GLDN: variants seen among roughly 807,000 people sequenced by gnomAD.
The protein encoded by GLDN is collomin.
GLDN carries 47 observed loss-of-function variants against 56.5 expected under a neutral mutation model. The ratio of observed to expected loss-of-function variants is 0.83; its 90% CI spans 0.66 to 1.06. GLDN has a LOEUF of 1.06. GLDN is among the 50% of genes least tolerant of loss of function. The probability of loss-of-function intolerance (pLI) is 0.00; values close to 1 mark genes in which losing one functional copy is unlikely to be tolerated. For synonymous variants in GLDN, 332 were observed against 278.8 expected (o/e 1.19, Z -1.90); for missense variants, 782 against 714.3 (o/e 1.09, Z -1.08).
At position 51,404,691 on chromosome 15, in the gene GLDN, A is replaced by T; in HGVS notation, c.1593A>T (p.Ser531=). Residue 531 remains serine, a synonymous_variant, in exon 10 of 10, where the codon TCA becomes TCT. Coordinates refer to ENST00000335449, the MANE Select transcript of GLDN (RefSeq NM_181789.4). ...ACATGAGAGATCAGCATTTATATTC[A>T]TGGGAAGATGGCCATTTAATGCTTT... ...AYNMRDQHLY[S]WEDGHLMLYP... The T allele has an allele frequency of 6.2e-7, 1 of 1,612,488 alleles. No homozygotes were observed.
chr15:51,362,868 T>C (rs893391030), intron 1 of GLDN, among the ~76,000 whole-genome samples: 1 of 152,160 alleles, frequency 6.6e-6, no homozygotes, highest in Non-Finnish European at 1.5e-5. Flanking sequence ...ATATGTCTGA[T>C]AGTTGAGCTG....
chr15:51,342,241 G>A (rs929323488), intron 1 of GLDN, among the ~76,000 whole-genome samples, 194 bp downstream of exon 1: 6 of 152,256 alleles, frequency 3.9e-5, no homozygotes, highest in Non-Finnish European at 7.3e-5. Flanking sequence ...CATCTGTGAG[G>A]TTGGGGACAG....
intron 1 of GLDN, 70 bp downstream of exon 1, chr15:51,342,117 C>A: frequency 6.4e-7 from 1 of 1,561,248 alleles, no homozygotes; most frequent in Non-Finnish European, 8.6e-7. Flanking sequence ...GCGAGGACGC[C>A]GACGCCCTCT....
chr15:51,342,166 T>A, intron 1 of GLDN, 119 bp downstream of exon 1: 4 of 1,291,372 alleles, frequency 3.1e-6, no homozygotes, highest in Non-Finnish European at 4.3e-6. Context: ...CGGAGAGGGC[T>A]GTGGGCATGA....
chr15:51,359,738 A>T lies in GLDN; in HGVS notation c.363+17691A>T, dbSNP rs200887300. On this transcript the variant is annotated intron_variant, in intron 1 of 9. Transcript: ENST00000335449. ...ATGCCTGTAATCCCAGCACTTTGGG[A>T]GGCCGAGGAGGGCGGATCATGAGGT... Among the ~76,000 whole-genome samples the T allele has an allele frequency of 2.6e-5, 4 of 152,150 alleles. No homozygotes were observed. In the South Asian group the frequency reaches 8.3e-4, roughly 32 times the overall value.
chr15:51,359,647 T>C (rs2037252558), intron 1 of GLDN, among the ~76,000 whole-genome samples: 1 of 152,134 alleles, frequency 6.6e-6, no homozygotes, highest in African/African-American at 2.4e-5. Context: ...AAGAAAACCC[T>C]ATGGCATTTT....
At chr15:51,380,124 G>T (rs1317462534) in intron 2 of GLDN, among the ~76,000 whole-genome samples, 2 of 152,130 alleles carry the variant, frequency 1.3e-5, no homozygotes, top group African/African-American at 2.4e-5. Flanking sequence ...GGAGCAGGTG[G>T]CAGTTCCTAG....
chr15:51,395,683 T>C (rs1386330273), intron 5 of GLDN, among the ~76,000 whole-genome samples: 2 of 152,218 alleles, frequency 1.3e-5, no homozygotes, highest in Admixed American at 6.5e-5. Flanking sequence ...GCAATTTACC[T>C]GGCATTTTCG....
chr15:51,394,787 A>G (rs754262043), intron 4 of GLDN, 48 bp from the exon 5 acceptor site: 3 of 1,609,792 alleles, frequency 1.9e-6, no homozygotes, highest in Non-Finnish European at 2.5e-6. Flanking sequence ...GTGGTGTGCC[A>G]GAACTTTTTG....
chr15:51,375,621 T>C (rs909432722), intron 1 of GLDN, among the ~76,000 whole-genome samples: 3 of 152,166 alleles, frequency 2.0e-5, no homozygotes, highest in Admixed American at 6.5e-5. Flanking sequence ...CTTATTCCCA[T>C]TGGTTTTGAA....
chr15:51,344,165 T>C (rs573783268), intron 1 of GLDN, among the ~76,000 whole-genome samples: 38 of 152,176 alleles, frequency 2.5e-4, no homozygotes, highest in Non-Finnish European at 1.5e-4. Context: ...CTGGAACTAT[T>C]TGGGGAGCTT....
chr15:51,383,527 A>G (rs2037815247), intron 3 of GLDN, 74 bp downstream of exon 3: 2 of 1,546,034 alleles, frequency 1.3e-6, no homozygotes, highest in Non-Finnish European at 1.8e-6. Context: ...CTGTTGGGAC[A>G]GATGCGGGGA....
At chr15:51,379,334 C>T (rs967566683) in intron 2 of GLDN, among the ~76,000 whole-genome samples, 2 of 152,226 alleles carry the variant, frequency 1.3e-5, no homozygotes, top group Non-Finnish European at 2.9e-5. Flanking sequence ...GGTTATTCTT[C>T]ACTCACTGCA....
intron 4 of GLDN, among the ~76,000 whole-genome samples, chr15:51,387,024 A>G (rs986139160): frequency 6.6e-6 from 1 of 152,146 alleles, no homozygotes; most frequent in Non-Finnish European, 1.5e-5. Context: ...AGATGTATAT[A>G]TCAGGGAGTC....
chr15:51,341,939 C>T lies in GLDN; in HGVS notation c.255C>T (p.Asp85=), dbSNP rs1293512187. The T allele has an allele frequency of 1.9e-6, 3 of 1,596,914 alleles. No homozygotes were observed. The African/African-American group carries it at 4.0e-5, about 21-fold the overall frequency. ...APRGASAPPQ[D]PASSARNKRS... is the part of the protein sequence containing the mutation. The stretch of plus-strand genomic sequence containing the variant: ...GCGGGGCGTCCGCACCACCCCAAGA[C>T]CCGGCCAGCTCAGCTCGCAACAAGC... Residue 85 remains aspartate, a synonymous_variant, in exon 1 of 10, where the codon GAC becomes GAT. Transcript: ENST00000335449.
chr15:51,378,730 C>A (rs1033497045), intron 2 of GLDN, among the ~76,000 whole-genome samples: 2 of 152,212 alleles, frequency 1.3e-5, no homozygotes, highest in African/African-American at 4.8e-5. Flanking sequence ...ATTGGGCCTC[C>A]TTTTGCACAG....
chr15:51,360,494 G>A (rs1349737873), intron 1 of GLDN: 2 of 152,284 alleles, frequency 1.3e-5, no homozygotes, highest in African/African-American at 4.8e-5. Context: ...AGGGTGCCCG[G>A]GGCAGGCACC....
intron 1 of GLDN, among the ~76,000 whole-genome samples, chr15:51,371,009 T>TA (rs397723118): frequency 3.8e-4 from 56 of 146,428 alleles, no homozygotes; most frequent in Middle Eastern, 3.4e-3. Flanking sequence ...AATAAAAAAT[T>TA]AAAAAAAAAA....
chr15:51,343,823 T>C (rs921832959), intron 1 of GLDN, among the ~76,000 whole-genome samples: 3 of 152,144 alleles, frequency 2.0e-5, no homozygotes, highest in Admixed American at 1.3e-4. Context: ...TGGAAGCATA[T>C]TACAGTGCAG....
Sources: allele counts gnomAD v4.1 joint callset (sites outside exome capture counted in the v4.1 genomes callset), GRCh38; gene constraint gnomAD v4.1.1; transcripts MANE v1.5; gene names NCBI Gene and HGNC (gene_info 2026-07-23, HGNC 2026-07-21).